Variants in LRRC8A observed in about 807,000 individuals in gnomAD.
The protein encoded by LRRC8A is leucine rich repeat containing 8 VRAC subunit A, also known as volume-regulated anion channel subunit LRRC8A.
Under a neutral mutation model 52.5 loss-of-function variants are expected in LRRC8A, and 24 were observed. The observed-to-expected ratio is 0.46, with a 90% CI of 0.33 to 0.64. The LOEUF (loss-of-function observed/expected upper bound fraction) is 0.64, where lower values mean the gene tolerates loss of function less well. Among genes scored for constraint, LRRC8A ranks in the 30% least tolerant of loss-of-function variants. The pLI is 0.02. For missense variants in LRRC8A, 677 were observed against 1,094.7 expected, an observed-to-expected ratio of 0.62 and a Z score of 5.38; for synonymous variants, 492 against 494.2, an observed-to-expected ratio of 1.00 and a Z score of 0.06.
At chr9:128,887,500 C>G (rs1839442254) in intron 2 of LRRC8A, among the ~76,000 whole-genome samples, 1 of 151,970 alleles carries the variant, frequency 6.6e-6, no homozygotes, top group African/African-American at 2.4e-5. Flanking sequence ...AAATGAGTCT[C>G]TGCTGATTCT....
In LRRC8A at chr9:128,907,607, G is replaced by T; in HGVS notation, c.443G>T (p.Arg148Leu). 2 of 1,614,084 alleles carry T rather than the reference G, an allele frequency of 1.2e-6. No individual in the cohort carries two copies. Among genetic ancestry groups the T allele is most frequent in the South Asian group, 1.1e-5 (1 of 91,080 alleles). The change falls in exon 3 of 4, where the codon CGC (arginine) becomes CTC (leucine). Residue 148 changes from arginine (R) to leucine (L), a missense_variant. Arg to Leu is a moderately radical substitution (Grantham distance 102, BLOSUM62 -2). Coordinates refer to ENST00000372600, the MANE Select transcript of LRRC8A (RefSeq NM_019594.4). The surrounding 1 kb of genome is among the most constrained non-coding windows in gnomAD (Gnocchi z 9.3). ...ACSNFWFKFP[R>L]TSSKLEHFVS... ...AGCAACTTCTGGTTCAAATTCCCGC[G>T]CACCAGCTCGAAGCTGGAGCACTTT...
At chr9:128,895,241 C>T (rs919016982) in intron 2 of LRRC8A, among the ~76,000 whole-genome samples, 37 of 151,964 alleles carry the variant, frequency 2.4e-4, no homozygotes, top group Middle Eastern at 6.8e-3. Flanking sequence ...TGTAGAAGCT[C>T]GGGAGGCTGA....
At chr9:128,906,316 A>ATTTTTTTTTTTTTTTTTTTTTTTT (rs71383620) in intron 2 of LRRC8A, among the ~76,000 whole-genome samples, 1 of 79,272 alleles carries the variant, frequency 1.3e-5, no homozygotes, top group Non-Finnish European at 2.3e-5. Context: ...CCCATGTGGA[A>ATTTTTTTTTTTTTTTTTTTTTTTT]TTTTTTTTTT....
intron 3 of LRRC8A, among the ~76,000 whole-genome samples, chr9:128,910,783 A>G (rs998754377): frequency 5.3e-5 from 8 of 152,166 alleles, no homozygotes; most frequent in African/African-American, 1.7e-4. Flanking sequence ...AGTGAGCCAA[A>G]TAGGAAAACC....
intron 2 of LRRC8A, among the ~76,000 whole-genome samples, chr9:128,903,129 C>T (rs1421952334): frequency 6.6e-6 from 1 of 152,148 alleles, no homozygotes; most frequent in Non-Finnish European, 1.5e-5. Flanking sequence ...GTGATGTCAC[C>T]TTCCTGAGCC....
Position 128,908,663 on chromosome 9 carries a change from T to G in LRRC8A, c.1499T>G (p.Ile500Ser). Residue 500 changes from isoleucine (I) to serine (S), a missense_variant, in exon 3 of 4, where the codon ATC (isoleucine) becomes AGC (serine). Ile to Ser is a moderately radical substitution (Grantham distance 142). Coordinates refer to ENST00000372600, the MANE Select transcript of LRRC8A (RefSeq NM_019594.4). ...FLRENLRALH[I>S]KFTDIKEIPL... is the part of the protein sequence containing the mutation. ...CGTGAGAACCTGCGGGCGCTGCACA[T>G]CAAGTTCACCGACATCAAGGAGATC... 1 of 1,612,824 alleles carries G rather than the reference T, an allele frequency of 6.2e-7. No homozygotes were observed. The highest frequency in any genetic ancestry group is 8.5e-7 in the Non-Finnish European group (1 of 1,179,960).
At chr9:128,897,197 T>C (rs758046848) in intron 2 of LRRC8A, among the ~76,000 whole-genome samples, 1 of 152,222 alleles carries the variant, frequency 6.6e-6, no homozygotes, top group Non-Finnish European at 1.5e-5. Flanking sequence ...AAGATATTCC[T>C]ATCTTAATGA....
chr9:128,901,989 G>A (rs1840044933), intron 2 of LRRC8A, among the ~76,000 whole-genome samples: 1 of 152,178 alleles, frequency 6.6e-6, no homozygotes, highest in African/African-American at 2.4e-5. Flanking sequence ...GGAAACGGGT[G>A]CAGCTGGGGG....
At chr9:128,909,671 C>T (rs1840419123) in intron 3 of LRRC8A, among the ~76,000 whole-genome samples, 1 of 152,228 alleles carries the variant, frequency 6.6e-6, no homozygotes, top group East Asian at 1.9e-4. Flanking sequence ...GGCAGGAGGT[C>T]CAAACCCGGG....
intron 2 of LRRC8A, among the ~76,000 whole-genome samples, chr9:128,905,384 G>T (rs1468727159): frequency 6.6e-6 from 1 of 152,160 alleles, no homozygotes; most frequent in Non-Finnish European, 1.5e-5. Flanking sequence ...CATTGTAAGA[G>T]CAACCAGCCT....
intron 1 of LRRC8A, among the ~76,000 whole-genome samples, chr9:128,885,776 G>A (rs1370410981): frequency 1.3e-5 from 2 of 152,170 alleles, no homozygotes; most frequent in Non-Finnish European, 2.9e-5. Flanking sequence ...AGGCTTGGTG[G>A]TGCGCACCTG....
Position 128,907,845 on chromosome 9 carries a change from A to G in LRRC8A, c.681A>G (p.Ser227=). 4.3e-6 allele frequency: 7 copies of G among 1,614,106 alleles called. No individual in the cohort carries two copies. The South Asian group carries it at 4.4e-5, about 10-fold the overall frequency. ...TCGAGCAGGGTATCGTGGACCGCTC[A>G]GAGACGGGCGTGCTGGACAAGAAGG... ...SRIEQGIVDR[S]ETGVLDKKEG... Residue 227 remains serine, a synonymous_variant, in exon 3 of 4, where the codon TCA becomes TCG. Transcript: ENST00000372600. This position sits in a 1 kb window ranked among gnomAD's most constrained non-coding sequence, Gnocchi z 9.3.
chr9:128,915,946 T>C (rs879124119), intron 3 of LRRC8A, 150 bp from the exon 4 acceptor site: 2 of 934,814 alleles, frequency 2.1e-6, no homozygotes. Context: ...CAGGCAGATG[T>C]TGGCCAGAGT....
chr9:128,901,903 C>A (rs1297142574), intron 2 of LRRC8A, among the ~76,000 whole-genome samples: 1 of 152,216 alleles, frequency 6.6e-6, no homozygotes, highest in Non-Finnish European at 1.5e-5. Context: ...GGTGCCTGCA[C>A]CCTCTTTCCT....
Position 128,882,572 on chromosome 9 carries a change from A to T in LRRC8A, c.-116+322A>T, listed in dbSNP as rs924509023. The T allele has an allele frequency of 7.8e-5, 31 of 396,130 alleles. No individual in the cohort carries two copies. In the Admixed American group the frequency reaches 1.1e-3, roughly 14 times the overall value. The allele number at this position is 396,130 out of a possible 1,614,324, so 24.5% of individuals were successfully genotyped here. ...CTTGTCATCCCCTGGGTCCCCCCAG[A>T]TCCTCACCCCTCCACACACACTCTC... On this transcript the variant is annotated intron_variant, in intron 1 of 3. Transcript: ENST00000372600.
chr9:128,883,773 G>C (rs1362526141), intron 1 of LRRC8A, among the ~76,000 whole-genome samples: 1 of 152,154 alleles, frequency 6.6e-6, no homozygotes, highest in African/African-American at 2.4e-5. Flanking sequence ...AGGAGTTCGA[G>C]ACCAGCCTGG....
chr9:128,887,850 A>G (rs552354365), intron 2 of LRRC8A, among the ~76,000 whole-genome samples: 2 of 151,750 alleles, frequency 1.3e-5, no homozygotes, highest in African/African-American at 2.4e-5. Flanking sequence ...TCACCATGTT[A>G]GCCAGGATGG....
In LRRC8A at chr9:128,892,298, C is replaced by T. The variant is rs1478535767; in HGVS notation, c.-9+6177C>T. Among the ~76,000 whole-genome samples, 2 of 152,158 alleles carry T rather than the reference C, an allele frequency of 1.3e-5. No individual in the cohort carries two copies. Among genetic ancestry groups the T allele is most frequent in the African/African-American group, 4.8e-5 (2 of 41,450 alleles). ...GCAGGTCCTGAGGCTGCACCTCCAG[C>T]CCCACCTGCTGCCTCTCTCTGCTTG... is the stretch of plus-strand genomic sequence containing the variant. On this transcript the variant is annotated intron_variant, in intron 2 of 3. Coordinates refer to ENST00000372600, the MANE Select transcript of LRRC8A (RefSeq NM_019594.4). This position sits in a 1 kb window ranked among gnomAD's most constrained non-coding sequence, Gnocchi z 5.2.
chr9:128,912,426 CAGG>C (rs1840590744), intron 3 of LRRC8A, among the ~76,000 whole-genome samples: 1 of 135,912 alleles, frequency 7.4e-6, no homozygotes, highest in Admixed American at 8.7e-5. Context: ...AGGGACAGTC[CAGG>C]AGGTTCTGGT....
Sources: allele counts gnomAD v4.1 joint callset (sites outside exome capture counted in the v4.1 genomes callset), GRCh38; gene constraint gnomAD v4.1.1; non-coding constraint Gnocchi (gnomAD v3.1); transcripts MANE v1.5; gene names NCBI Gene and HGNC (gene_info 2026-07-23, HGNC 2026-07-21).